RBFOX1: variants seen among roughly 807,000 people sequenced by gnomAD.
The protein encoded by RBFOX1 is RNA binding protein fox-1 homolog 1.
RBFOX1 carries 8 observed loss-of-function variants against 57.7 expected under a neutral mutation model. The ratio of observed to expected loss-of-function variants is 0.14; its 90% confidence interval spans 0.08 to 0.25. The LOEUF (loss-of-function observed/expected upper bound fraction) is 0.25, where lower values mean the gene tolerates loss of function less well. Among genes scored for constraint, RBFOX1 ranks in the 10% least tolerant of loss-of-function variants. The pLI, the probability that RBFOX1 is intolerant of heterozygous loss-of-function variation, is 1.00. For missense variants in RBFOX1, 611 were observed against 548.5 expected (o/e 1.11, Z -1.14); for synonymous variants, 326 against 222.4 (o/e 1.47, Z -4.15).
At chr16:5,334,085 AAG>A (rs1219520729) in intron 1 of RBFOX1, among the ~76,000 whole-genome samples, 3 of 152,284 alleles carry the variant, frequency 2.0e-5, no homozygotes, top group East Asian at 3.9e-4. Context: ...CTTACAGACT[AAG>A]AGTATTTAAG....
At chr16:6,542,787 C>T (rs957549934) in intron 2 of RBFOX1, among the ~76,000 whole-genome samples, 4 of 151,980 alleles carry the variant, frequency 2.6e-5, no homozygotes, top group African/African-American at 7.3e-5. Context: ...CCACTGCGCC[C>T]GGCCGGGACC....
chr16:6,139,148 A>G (rs909167110), intron 1 of RBFOX1, among the ~76,000 whole-genome samples: 1 of 152,156 alleles, frequency 6.6e-6, no homozygotes, highest in Non-Finnish European at 1.5e-5. Flanking sequence ...CTTTATGTGA[A>G]TTAAAGCTTT....
rs2077023660 is a variant in RBFOX1, at chr16:7,155,931, C to T, written c.27+103833C>T. On this transcript the variant is annotated intron_variant, in intron 4 of 15. Transcript: ENST00000550418. The stretch of plus-strand genomic sequence containing the variant: ...GACATTAAATCTCATTCCTATACCC[C>T]ATTAAAAACTGATCTATTTTTCCAG... Among the ~76,000 whole-genome samples the T allele has an allele frequency of 4.6e-5, 7 of 151,512 alleles. No homozygotes were observed. In the Admixed American group the frequency reaches 4.6e-4, roughly 10 times the overall value.
At chr16:5,798,503 G>C (rs1313078976) in intron 3 of RBFOX1, among the ~76,000 whole-genome samples, 1 of 152,168 alleles carries the variant, frequency 6.6e-6, no homozygotes, top group Non-Finnish European at 1.5e-5. Context: ...ATGCAGACTT[G>C]AAACAACCTG....
intron 2 of RBFOX1, among the ~76,000 whole-genome samples, chr16:6,541,946 C>CT (rs879873002): frequency 0.039 from 5,670 of 146,722 alleles, 333 homozygotes; most frequent in African/African-American, 0.13. Context: ...ACATCTCCCC[C>CT]TTTTTTTTTT....
intron 4 of RBFOX1, among the ~76,000 whole-genome samples, chr16:7,133,037 G>A (rs2070946117): frequency 6.6e-6 from 1 of 152,068 alleles, no homozygotes; most frequent in Non-Finnish European, 1.5e-5. Context: ...AATAAATCAT[G>A]TGCCTTGGTA....
At chr16:5,645,082 A>C (rs1254062053) in intron 3 of RBFOX1, among the ~76,000 whole-genome samples, 1 of 6,522 alleles carries the variant, frequency 1.5e-4, no homozygotes, top group African/African-American at 1.6e-4. Context: ...CTAAAAATAC[A>C]AAAAAAAAAA....
chr16:6,987,922 A>G (rs897006172), intron 3 of RBFOX1, among the ~76,000 whole-genome samples: 17 of 152,118 alleles, frequency 1.1e-4, no homozygotes, highest in Admixed American at 2.0e-4. Flanking sequence ...GATGGCTGGA[A>G]TGAGATCCCA....
chr16:5,249,354 G>A (rs1470493681), intron 1 of RBFOX1, among the ~76,000 whole-genome samples: 1 of 152,176 alleles, frequency 6.6e-6, no homozygotes, highest in Non-Finnish European at 1.5e-5. Context: ...CCTCCTGGAG[G>A]GGCCTGGCCG....
intron 4 of RBFOX1, among the ~76,000 whole-genome samples, chr16:7,492,736 G>C (rs1387970914): frequency 6.6e-6 from 1 of 151,996 alleles, no homozygotes; most frequent in Non-Finnish European, 1.5e-5. Flanking sequence ...TGTGAAAGCT[G>C]ACTGTTTAAA....
intron 3 of RBFOX1, among the ~76,000 whole-genome samples, chr16:6,739,435 C>A (rs1278174045): frequency 6.6e-6 from 1 of 152,086 alleles, no homozygotes; most frequent in South Asian, 2.1e-4. Context: ...ATTTGAATGA[C>A]CCTATAACTA....
intron 1 of RBFOX1, among the ~76,000 whole-genome samples, chr16:5,402,172 G>C (rs145541214): frequency 2.0e-4 from 31 of 152,260 alleles, no homozygotes; most frequent in African/African-American, 7.0e-4. Flanking sequence ...GGGTCATGTG[G>C]AGAGGGACTC....
At chr16:5,617,349 G>A (rs138044416) in intron 3 of RBFOX1, among the ~76,000 whole-genome samples, 3 of 152,272 alleles carry the variant, frequency 2.0e-5, no homozygotes, top group Non-Finnish European at 4.4e-5. Flanking sequence ...TGGTCCTGAG[G>A]TCTTCACGAG....
At chr16:5,870,874 C>A (rs886624899) in intron 4 of RBFOX1, among the ~76,000 whole-genome samples, 1 of 152,018 alleles carries the variant, frequency 6.6e-6, no homozygotes, top group African/African-American at 2.4e-5. Flanking sequence ...CTTTCCCCCC[C>A]ACCCCCAAGT....
At chr16:7,465,676 C>T (rs986507264) in intron 4 of RBFOX1, among the ~76,000 whole-genome samples, 5 of 152,046 alleles carry the variant, frequency 3.3e-5, no homozygotes, top group Non-Finnish European at 5.9e-5. Flanking sequence ...TAGAGTATAC[C>T]CTGGGGATCC....
chr16:6,181,345 G>T (rs2097060861), intron 1 of RBFOX1, among the ~76,000 whole-genome samples: 1 of 152,196 alleles, frequency 6.6e-6, no homozygotes, highest in African/African-American at 2.4e-5. Flanking sequence ...GAATACCAAA[G>T]AGTCCCACTG....
At chr16:6,508,473 C>T (rs559753332) in intron 2 of RBFOX1, among the ~76,000 whole-genome samples, 3 of 151,824 alleles carry the variant, frequency 2.0e-5, no homozygotes, top group Admixed American at 2.0e-4. Flanking sequence ...TTCAAAAAAC[C>T]AAAAAGAAAA....
rs560937418 is a variant in RBFOX1 at position 6,447,142 on chromosome 16, A to T, written c.-64+130085A>T. On this transcript the variant is annotated intron_variant, in intron 2 of 15. Coordinates refer to ENST00000550418, the MANE Select transcript of RBFOX1 (RefSeq NM_018723.4). ...TTCATTCATTAAAAGTTCATGGTCT[A>T]TTGGACTTTTTTTCCTTCAAGCGTT... Among the ~76,000 whole-genome samples, 21 of 152,264 alleles carry T rather than the reference A, an allele frequency of 1.4e-4. No homozygotes were observed. The East Asian group carries it at 3.7e-3, about 27-fold the overall frequency.
intron 3 of RBFOX1, among the ~76,000 whole-genome samples, chr16:5,625,989 G>GCCT (rs2048339213): frequency 6.6e-6 from 1 of 152,158 alleles, no homozygotes. Flanking sequence ...CTATTCTCCT[G>GCCT]CCTCAGCCTC....
Sources: gnomAD v4.1 joint callset for allele counts (sites outside exome capture counted in the v4.1 genomes callset) on GRCh38, gnomAD v4.1.1 for gene constraint, MANE v1.5 for transcripts, NCBI Gene and HGNC (gene_info 2026-07-23, HGNC 2026-07-21) for gene names.